The following EIF4G1 variants were observed in gnomAD, a reference collection of about 807,000 sequenced individuals.
EIF4G1 encodes the protein EIF4-gamma.
EIF4G1 carries 4 observed loss-of-function variants against 187.8 expected under a neutral mutation model. That is an observed-to-expected ratio of 0.02 (90% CI 0.01 to 0.05). EIF4G1 has a LOEUF of 0.05. Ranked by LOEUF, EIF4G1 falls within the 10% of genes least tolerant of loss-of-function variation. The pLI is 1.00. For missense variants in EIF4G1, 1,647 were observed against 2,081.1 expected (o/e 0.79, Z 4.06); for synonymous variants, 844 against 781.4 (o/e 1.08, Z -1.34).
At chr3:184,320,458 G>T in intron 7 of EIF4G1, 172 bp from the exon 8 acceptor site, 1 of 1,514,478 alleles carries the variant, frequency 6.6e-7, no homozygotes, top group Non-Finnish European at 8.8e-7. Flanking sequence ...GCTGGGGCAG[G>T]GACTACGAGA....
Position 184,327,330 on chromosome 3 carries a change from T to C in EIF4G1, c.3543T>C (p.Ala1181=). 1 of 1,613,800 alleles carries C rather than the reference T, an allele frequency of 6.2e-7. No homozygotes were observed. Among genetic ancestry groups the C allele is most frequent in the Non-Finnish European group, 8.5e-7 (1 of 1,180,016 alleles). The stretch of plus-strand genomic sequence containing the variant: ...GGCTTGATCGTGCGCGGACACCTGC[T>C]ACCAAGCGGAGCTTCAGCAAGGAAG... ...GDRLDRARTP[A]TKRSFSKEVE... The change falls in exon 24 of 33, where the codon GCT becomes GCC. Residue 1181 remains alanine, a synonymous_variant. Coordinates refer to ENST00000346169, the MANE Select transcript of EIF4G1 (RefSeq NM_198241.3).
chr3:184,315,729 C>T (rs960732467), intron 2 of EIF4G1, 34 bp from the exon 3 acceptor site: 3 of 1,518,740 alleles, frequency 2.0e-6, no homozygotes, highest in South Asian at 2.4e-5. Flanking sequence ...GCTTGGGTCC[C>T]TTCCTCTTCC....
chr3:184,320,510 C>CACCT (rs1577200540), intron 7 of EIF4G1, 120 bp from the exon 8 acceptor site: 3 of 1,573,112 alleles, frequency 1.9e-6, no homozygotes, highest in Non-Finnish European at 2.6e-6. Flanking sequence ...GGGTTTCTGG[C>CACCT]ACCTACCTAC....
chr3:184,319,026 A>T (rs1723293514), intron 6 of EIF4G1, among the ~76,000 whole-genome samples: 1 of 151,348 alleles, frequency 6.6e-6, no homozygotes, highest in Admixed American at 6.6e-5. Flanking sequence ...GTGAACCAAG[A>T]TTGTGCCACT....
intron 6 of EIF4G1, 78 bp from the exon 7 acceptor site, chr3:184,319,610 TG>T: frequency 1.1e-6 from 1 of 940,790 alleles, no homozygotes; most frequent in Non-Finnish European, 1.7e-6. Flanking sequence ...GGTTTTGGGG[TG>T]GGAGGTGTCA....
Position 184,326,973 on chromosome 3 carries a change from G to A in EIF4G1, c.3418G>A (p.Val1140Met), listed in dbSNP as rs754063701. The change falls in exon 23 of 33, where the codon GTG becomes ATG. Residue 1140 changes from valine to methionine, a missense_variant. By Grantham distance (21) the Val-to-Met change is conservative. Around this residue, in one of 11 missense-constraint regions of EIF4G1, gnomAD observed 543 missense variants for 638.0 expected, o/e 0.85. Coordinates refer to ENST00000346169, the MANE Select transcript of EIF4G1 (RefSeq NM_198241.3). ...CACAGAAAGCACAGATAATAGACGT[G>A]TGGTGCAGAGGTGAGGTTTCCTGGA... The part of the protein sequence containing the change: ...VPTESTDNRR[V>M]VQRSSLSRER... 1.2e-6 allele frequency: 2 copies of A among 1,614,262 alleles called. No individual in the cohort carries two copies. The highest frequency in any genetic ancestry group is 3.3e-5 in the Admixed American group (2 of 60,030).
Position 184,329,078 on chromosome 3 carries a change from G to A in EIF4G1, c.4161+88G>A, listed in dbSNP as rs571751346. 7.5e-6 allele frequency: 11 copies of A among 1,462,536 alleles called. No homozygotes were observed. In the African/African-American group the frequency reaches 1.4e-4, roughly 18 times the overall value. 90.6% of individuals were successfully genotyped at this position (1,462,536 alleles called of 1,614,324 possible). A position where few individuals can be genotyped will look rare whatever the true frequency, so the allele number is the denominator to read the frequency against. ...CCCTGAAGCTTCATGGTCCATTGGT[G>A]GAGTGGAGTGATGGTGATGACAGGA... On this transcript the variant is annotated intron_variant, in intron 28 of 32. Coordinates refer to ENST00000346169, the MANE Select transcript of EIF4G1 (RefSeq NM_198241.3).
At chr3:184,318,021 G>T (rs1723083730) in intron 6 of EIF4G1, among the ~76,000 whole-genome samples, 1 of 152,194 alleles carries the variant, frequency 6.6e-6, no homozygotes. Flanking sequence ...GGAGAGTTAA[G>T]AGTCTTTCCC....
Position 184,325,630 on chromosome 3 carries a change from C to A in EIF4G1, c.3112C>A (p.Pro1038Thr), listed in dbSNP as rs1724734339. 1 of 1,614,122 alleles carries A rather than the reference C, an allele frequency of 6.2e-7. No homozygotes were observed. ...SDKRRGGPPG[P>T]PISRGLPLVD... ...CAAGCGTCGGGGCGGTCCTCCAGGC[C>A]CTCCCATCAGTGAGTTCCAAGCTGG... The change falls in exon 20 of 33, where the codon CCT (proline) becomes ACT (threonine). Residue 1038 changes from proline to threonine, a missense_variant. By Grantham distance (38) the Pro-to-Thr change is conservative (BLOSUM62 -1). Transcript: ENST00000346169. The surrounding 1 kb of genome is among the most constrained non-coding windows in gnomAD (Gnocchi z 5.2).
chr3:184,333,663 GGGACAGATTCTGGATTGGAAA>G (rs1337856675), intron 32 of EIF4G1, among the ~76,000 whole-genome samples: 1 of 152,196 alleles, frequency 6.6e-6, no homozygotes, highest in African/African-American at 2.4e-5. Context: ...AGTGGGGCAG[GGGACAGATTCTGGATTGGAAA>G]GGACTGAGAA....
rs762752933 is a variant in EIF4G1 at position 184,325,147 on chromosome 3, T to C, written c.2856+33T>C. ...TCCTTGCATCTGGAGGGGGATGGGCTGAAGCATATGTGGGGCTCACTGAGC... is the reference window on the plus strand; with the variant it reads ...TCCTTGCATCTGGAGGGGGATGGGCCGAAGCATATGTGGGGCTCACTGAGC... On this transcript the variant is annotated intron_variant, in intron 18 of 32. Coordinates refer to ENST00000346169, the MANE Select transcript of EIF4G1 (RefSeq NM_198241.3). The surrounding 1 kb of genome is among the most constrained non-coding windows in gnomAD (Gnocchi z 5.2). The C allele has an allele frequency of 1.9e-6, 3 of 1,610,172 alleles. No individual in the cohort carries two copies. In the South Asian group the frequency reaches 3.3e-5, roughly 18 times the overall value.
At chr3:184,332,275 A>C (rs945123686) in intron 32 of EIF4G1, among the ~76,000 whole-genome samples, 189 bp downstream of exon 32, 5 of 152,242 alleles carry the variant, frequency 3.3e-5, no homozygotes, top group Non-Finnish European at 7.3e-5. Context: ...GGAGTTAGAC[A>C]CAGCCTTGAA....
chr3:184,317,879 G>A, intron 6 of EIF4G1, 63 bp downstream of exon 6: 1 of 1,249,226 alleles, frequency 8.0e-7, no homozygotes, highest in African/African-American at 1.5e-5. Flanking sequence ...CTCATCTGCT[G>A]ATTTCTAAAG....
chr3:184,324,322 A>C lies in EIF4G1; in HGVS notation c.2594A>C (p.Gln865Pro), dbSNP rs1355670386. The C allele has an allele frequency of 6.2e-7, 1 of 1,614,116 alleles. No homozygotes were observed. The highest frequency in any genetic ancestry group is 1.1e-5 in the South Asian group (1 of 91,088). The change falls in exon 17 of 33, where the codon CAA (glutamine) becomes CCA (proline). Residue 865 changes from glutamine to proline, a missense_variant. Around this residue, in one of 11 missense-constraint regions of EIF4G1, gnomAD observed 40 missense variants for 42.2 expected, o/e 0.95. Coordinates refer to ENST00000346169, the MANE Select transcript of EIF4G1 (RefSeq NM_198241.3). Reference sequence around the variant, plus strand: ...GATGATGAGGTTTTTGAGAAGAAGCAAAAAGAGATGGATGAAGCTGCTACG... The same window carrying C: ...GATGATGAGGTTTTTGAGAAGAAGCCAAAAGAGATGGATGAAGCTGCTACG... Reference protein sequence around the residue: ...KDDDEVFEKKQKEMDEAATAE... With the variant: ...KDDDEVFEKKPKEMDEAATAE...
Position 184,322,626 on chromosome 3 carries a change from C to T in EIF4G1, c.1691C>T (p.Pro564Leu). ...PGPESEGSGV[P>L]PRPEEADETW... ...CCAGAGTCTGAGGGCAGTGGTGTGC[C>T]CCCACGTCCTGAGGAAGCAGATGAG... Residue 564 changes from proline to leucine, a missense_variant, in exon 12 of 33, where the codon CCC becomes CTC. Coordinates refer to ENST00000346169, the MANE Select transcript of EIF4G1 (RefSeq NM_198241.3). 1 of 1,614,098 alleles carries T rather than the reference C, an allele frequency of 6.2e-7. No individual in the cohort carries two copies. Among genetic ancestry groups the T allele is most frequent in the Non-Finnish European group, 8.5e-7 (1 of 1,180,028 alleles).
At chr3:184,316,279 A>T in intron 4 of EIF4G1, 61 bp downstream of exon 4, 1 of 1,596,748 alleles carries the variant, frequency 6.3e-7, no homozygotes, top group Admixed American at 1.7e-5. Context: ...AGCTTTGGCC[A>T]GTTTAGGTCT....
chr3:184,333,561 A>T (rs1396773173), intron 32 of EIF4G1, among the ~76,000 whole-genome samples: 1 of 152,128 alleles, frequency 6.6e-6, no homozygotes, highest in Non-Finnish European at 1.5e-5. Context: ...ATAATGCCAG[A>T]TGCTGCTGTG....
chr3:184,320,798 T>A, intron 8 of EIF4G1, 76 bp downstream of exon 8: 1 of 1,610,238 alleles, frequency 6.2e-7, no homozygotes, highest in East Asian at 2.2e-5. Context: ...CTGGATCTTT[T>A]CTTTCAACTA....
At position 184,331,377 on chromosome 3, in the gene EIF4G1, AGTT is replaced by A. The variant is rs1560231348; in HGVS notation, c.4260+15_4260+17del. 2.5e-6 allele frequency: 4 copies of A among 1,614,148 alleles called. No homozygotes were observed. The highest frequency in any genetic ancestry group is 3.4e-6 in the Non-Finnish European group (4 of 1,180,032). ...CGTCGCTGAACAGGTTTGGGGATGG[AGTT>A]GGGTTAATTCTAGCATTTGAGGCTG... On this transcript the variant is annotated intron_variant, in intron 29 of 32. Coordinates refer to ENST00000346169, the MANE Select transcript of EIF4G1 (RefSeq NM_198241.3).
Sources: gnomAD v4.1 joint callset for allele counts (sites outside exome capture counted in the v4.1 genomes callset) on GRCh38, gnomAD v4.1.1 for gene constraint, gnomAD v4.1.1 regional missense constraint, Gnocchi (gnomAD v3.1) non-coding constraint, MANE v1.5 for transcripts, NCBI Gene and HGNC (gene_info 2026-07-23, HGNC 2026-07-21) for gene names.